The following EVC2 variants were observed in gnomAD, a reference collection of about 807,000 sequenced individuals.
EVC2 encodes the protein EvC ciliary complex subunit 2.
Under a neutral mutation model 149.3 loss-of-function variants are expected in EVC2, and 148 were observed. That is an observed-to-expected ratio of 0.99 (90% confidence interval 0.87 to 1.14). The LOEUF is 1.14. Among genes scored for constraint, EVC2 ranks in the 50% most tolerant of loss-of-function variants. EVC2 has a pLI of 0.00. For synonymous variants in EVC2, 776 were observed against 649.9 expected, an observed-to-expected ratio of 1.19 and a Z score of -2.95; for missense variants, 1,854 against 1,627.3, an observed-to-expected ratio of 1.14 and a Z score of -2.40.
At chr4:5,700,135 G>A (rs947293882) in intron 1 of EVC2, among the ~76,000 whole-genome samples, 10 of 151,996 alleles carry the variant, frequency 6.6e-5, no homozygotes, top group Admixed American at 2.6e-4. Flanking sequence ...GCGAGACTCC[G>A]TCTCAAAAAA....
Position 5,625,912 on chromosome 4 carries a change from G to C in EVC2, c.1887-4C>G, listed in dbSNP as rs376809175. The C allele has an allele frequency of 2.5e-5, 40 of 1,613,666 alleles. No homozygotes were observed. Among genetic ancestry groups the C allele is most frequent in the Middle Eastern group, 1.6e-4 (1 of 6,084 alleles). ...GTCTTCATCCAGGTACCCTGCTCTA[G>C]ATGGAAAGGATGTAAAGTTAGGAAT... On this transcript the variant is annotated splice_region_variant and splice_polypyrimidine_tract_variant and intron_variant, in intron 12 of 21. Coordinates refer to ENST00000344408, the MANE Select transcript of EVC2 (RefSeq NM_147127.5). The surrounding 1 kb of genome is among the most constrained non-coding windows in gnomAD (Gnocchi z 4.0).
the EVC2 span, among the ~76,000 whole-genome samples, chr4:5,533,991 C>T: frequency 6.6e-6 from 1 of 152,074 alleles, no homozygotes; most frequent in Non-Finnish European, 1.5e-5. Flanking sequence ...ACAGAGGGAG[C>T]CAAGAGGCAT....
In EVC2 at chr4:5,614,736, G is replaced by C. The variant is rs571971942; in HGVS notation, c.2829+686C>G. Reference sequence around the variant, plus strand: ...CTCACGCCTGTAATCCCAGCACTTTGGGAAGCTGAGGTGGGCGGATCACCT... The same window carrying C: ...CTCACGCCTGTAATCCCAGCACTTTCGGAAGCTGAGGTGGGCGGATCACCT... On this transcript the variant is annotated intron_variant, in intron 16 of 21. Transcript: ENST00000344408. This position sits in a 1 kb window ranked among gnomAD's most constrained non-coding sequence, Gnocchi z 4.7. 2.0e-5 allele frequency among the ~76,000 whole-genome samples: 3 copies of C among 152,166 alleles called. No homozygotes were observed. The highest frequency in any genetic ancestry group is 7.2e-5 in the African/African-American group (3 of 41,430).
intron 17 of EVC2, 88 bp downstream of exon 17, chr4:5,584,535 T>G: frequency 4.5e-6 from 6 of 1,336,584 alleles, no homozygotes; most frequent in Non-Finnish European, 6.3e-6. Context: ...GGACGGGGGT[T>G]GCAGCCTGTT....
intron 1 of EVC2, among the ~76,000 whole-genome samples, chr4:5,706,003 G>C (rs748691250): frequency 6.6e-6 from 1 of 152,120 alleles, no homozygotes; most frequent in Non-Finnish European, 1.5e-5. Context: ...TTCTCACCAA[G>C]AGATGTCCCA....
intron 17 of EVC2, among the ~76,000 whole-genome samples, chr4:5,577,209 G>C (rs1722986974): frequency 6.6e-6 from 1 of 152,224 alleles, no homozygotes; most frequent in Admixed American, 6.5e-5. Context: ...TTGAGTGGCA[G>C]ATCCTGAATT....
chr4:5,662,192 T>C (rs969882024), intron 9 of EVC2, among the ~76,000 whole-genome samples: 3 of 152,030 alleles, frequency 2.0e-5, no homozygotes, highest in Non-Finnish European at 4.4e-5. Context: ...TGCCCTTTCT[T>C]TCCTCTGTCT....
chr4:5,625,345 C>T lies in EVC2; in HGVS notation c.2046+404G>A, dbSNP rs1202042698. 6.9e-6 allele frequency among the ~76,000 whole-genome samples: 1 copy of T among 145,582 alleles called. No homozygotes were observed. The highest frequency in any genetic ancestry group is 1.5e-5 in the Non-Finnish European group (1 of 66,502). On this transcript the variant is annotated intron_variant, in intron 13 of 21. Transcript: ENST00000344408. The surrounding 1 kb of genome is among the most constrained non-coding windows in gnomAD (Gnocchi z 4.0). ...ACACACACACACACACACACACACACACAAACCCAGTGGTATCTCCCTCAT... is the reference window on the plus strand; with the variant it reads ...ACACACACACACACACACACACACATACAAACCCAGTGGTATCTCCCTCAT...
At chr4:5,581,615 T>C (rs1577114431) in intron 17 of EVC2, among the ~76,000 whole-genome samples, 1 of 151,720 alleles carries the variant, frequency 6.6e-6, no homozygotes, top group Admixed American at 6.6e-5. Flanking sequence ...ACAACCTATG[T>C]TCATATGTGT....
chr4:5,623,292 T>C (rs1211483943), intron 13 of EVC2, among the ~76,000 whole-genome samples: 1 of 152,134 alleles, frequency 6.6e-6, no homozygotes, highest in Non-Finnish European at 1.5e-5. Context: ...ACGTGCGCCA[T>C]GATGCCAGGC....
At position 5,629,232 on chromosome 4, in the gene EVC2, A is replaced by C. The variant is rs551475096; in HGVS notation, c.1711-498T>G. Reference sequence around the variant, plus strand: ...AAATGAACAAAACGTAACCAAACACAGGAGAGTAATAACCTAGATAATGTG... The same window carrying C: ...AAATGAACAAAACGTAACCAAACACCGGAGAGTAATAACCTAGATAATGTG... On this transcript the variant is annotated intron_variant, in intron 11 of 21. Transcript: ENST00000344408. 2.0e-5 allele frequency among the ~76,000 whole-genome samples: 3 copies of C among 152,362 alleles called. No homozygotes were observed. The South Asian group carries it at 6.2e-4, about 32-fold the overall frequency.
At chr4:5,552,809 C>A (rs1403567354) in intron 21 of EVC2, among the ~76,000 whole-genome samples, 1 of 152,048 alleles carries the variant, frequency 6.6e-6, no homozygotes, top group Non-Finnish European at 1.5e-5. Context: ...AAGAGGAAGC[C>A]GAGGTAGAGA....
chr4:5,665,373 G>A, intron 8 of EVC2, 142 bp downstream of exon 8: 1 of 1,227,568 alleles, frequency 8.1e-7, no homozygotes, highest in Non-Finnish European at 1.2e-6. Context: ...AGCAGTTTTG[G>A]AGGTGGGCCC....
intron 7 of EVC2, among the ~76,000 whole-genome samples, chr4:5,667,200 T>A (rs1025940971): frequency 1.3e-5 from 2 of 152,226 alleles, no homozygotes; most frequent in East Asian, 3.9e-4. Flanking sequence ...ATAAAAATAA[T>A]GTGCATATAT....
Position 5,708,518 on chromosome 4 carries a change from T to G in EVC2, c.-5A>C. The G allele has an allele frequency of 6.9e-7, 1 of 1,452,900 alleles. No individual in the cohort carries two copies. 90.0% of individuals were successfully genotyped at this position (1,452,900 alleles called of 1,614,324 possible). On this transcript the variant is annotated 5_prime_UTR_variant, in exon 1 of 22. Coordinates refer to ENST00000344408, the MANE Select transcript of EVC2 (RefSeq NM_147127.5). ...CCGGGAGCCCGAGGGGTCCATCGCC[T>G]GTCGGGACCCGCTACCTCAAAGCGG... is the stretch of plus-strand genomic sequence containing the variant.
At position 5,659,512 on chromosome 4, in the gene EVC2, G is replaced by C. The variant is rs144929744; in HGVS notation, c.1145+3595C>G. On this transcript the variant is annotated intron_variant, in intron 9 of 21. Coordinates refer to ENST00000344408, the MANE Select transcript of EVC2 (RefSeq NM_147127.5). ...TGAATGTTGGGACGGGAGGGAGGAT[G>C]GGAGGCTGGGGGAGAGGAAGAGAGG... 6.3e-3 allele frequency among the ~76,000 whole-genome samples: 959 copies of C among 152,194 alleles called. 8 individuals are homozygous for C. The highest frequency in any genetic ancestry group is 8.0e-3 in the Non-Finnish European group (547 of 68,020).
chr4:5,688,776 C>A (rs1215468938), intron 5 of EVC2, among the ~76,000 whole-genome samples: 1 of 152,222 alleles, frequency 6.6e-6, no homozygotes, highest in Non-Finnish European at 1.5e-5. Context: ...AAAACAAACT[C>A]TTCATCTTCC....
intron 21 of EVC2, among the ~76,000 whole-genome samples, chr4:5,543,930 G>C (rs1721564604): frequency 1.3e-5 from 2 of 152,160 alleles, no homozygotes; most frequent in African/African-American, 4.8e-5. Flanking sequence ...GAGGGCTCCA[G>C]GGCCATCATG....
intron 16 of EVC2, among the ~76,000 whole-genome samples, chr4:5,585,469 G>C (rs1429421815): frequency 6.6e-6 from 1 of 152,178 alleles, no homozygotes; most frequent in Admixed American, 6.5e-5. Flanking sequence ...CTTCAAACCA[G>C]GTGCCCAGGG....
Sources: gnomAD v4.1 joint callset for allele counts (sites outside exome capture counted in the v4.1 genomes callset) on GRCh38, gnomAD v4.1.1 for gene constraint, Gnocchi (gnomAD v3.1) non-coding constraint, MANE v1.5 for transcripts, NCBI Gene and HGNC (gene_info 2026-07-23, HGNC 2026-07-21) for gene names.